Variants in STS observed in about 807,000 individuals in gnomAD.
STS encodes steroid sulfatase.
In STS, 7 loss-of-function variants were observed where a neutral mutation model predicts 26.8. The observed-to-expected ratio is 0.26, with a 90% CI of 0.15 to 0.49. The LOEUF is 0.49. STS is among the 20% of genes least tolerant of loss of function. The pLI is 0.98. For synonymous variants in STS, 199 were observed against 189.4 expected, an observed-to-expected ratio of 1.05 and a Z score of -0.42; for missense variants, 434 against 465.6, an observed-to-expected ratio of 0.93 and a Z score of 0.63.
intron 8 of STS, among the ~76,000 whole-genome samples, chrX:7,325,016 G>C: frequency 9.0e-6 from 1 of 111,445 alleles, no homozygotes; most frequent in Non-Finnish European, 1.9e-5. Context: ...AGTAGAAATG[G>C]AACTTGAATT....
At chrX:7,336,765 G>C (rs1280862149) in intron 10 of STS, among the ~76,000 whole-genome samples, 1 of 112,169 alleles carries the variant, frequency 8.9e-6, no homozygotes, top group Admixed American at 9.5e-5. Flanking sequence ...CTGCATGTTC[G>C]AATAAGTCTG....
At chrX:7,304,534 A>G (rs1271481785) in intron 7 of STS, among the ~76,000 whole-genome samples, 7 of 111,615 alleles carry the variant, frequency 6.3e-5, no homozygotes, top group African/African-American at 2.3e-4. Context: ...GGGATAGTTT[A>G]GATTTGGGTA....
chrX:7,234,915 A>G (rs182677644), intron 2 of STS, among the ~76,000 whole-genome samples: 54 of 111,559 alleles, frequency 4.8e-4, no homozygotes, highest in African/African-American at 1.7e-3. Flanking sequence ...AGCCTTCTCA[A>G]CCTTTTCTTC....
intron 10 of STS, among the ~76,000 whole-genome samples, chrX:7,347,796 G>A (rs778498279): frequency 6.3e-5 from 7 of 111,939 alleles, no homozygotes; most frequent in African/African-American, 1.9e-4. Context: ...GGCTGACCCT[G>A]ATGAAGGATT....
At chrX:7,152,492 A>G (rs1907953007) in intron 1 of STS, among the ~76,000 whole-genome samples, 1 of 107,417 alleles carries the variant, frequency 9.3e-6, no homozygotes, top group Non-Finnish European at 1.9e-5. Context: ...TAACTTGTGT[A>G]TTTTTTAGTG....
At chrX:7,314,304 A>T (rs1172573664) in intron 8 of STS, among the ~76,000 whole-genome samples, 1 of 111,104 alleles carries the variant, frequency 9.0e-6, no homozygotes, top group African/African-American at 3.3e-5. Flanking sequence ...CTGCAGTGAG[A>T]CTTGATTGCA....
chrX:7,216,992 A>G (rs1487612850), intron 2 of STS, among the ~76,000 whole-genome samples: 1 of 111,395 alleles, frequency 9.0e-6, no homozygotes, highest in African/African-American at 3.3e-5. Flanking sequence ...GGGGACTTGC[A>G]GTGGGGGAGA....
At chrX:7,206,601 G>C (rs1254647926) in intron 2 of STS, among the ~76,000 whole-genome samples, 1 of 112,021 alleles carries the variant, frequency 8.9e-6, no homozygotes, top group Admixed American at 9.5e-5. Flanking sequence ...TTGATAAAGA[G>C]ATGTTATCTC....
intron 7 of STS, among the ~76,000 whole-genome samples, chrX:7,279,311 ATGTG>A (rs532132394): frequency 2.6e-4 from 20 of 78,117 alleles, no homozygotes; most frequent in African/African-American, 5.5e-4. Context: ...ATATATATAT[ATGTG>A]TGTGTGTGTG....
intron 7 of STS, among the ~76,000 whole-genome samples, chrX:7,284,123 A>ATG (rs2147116395): frequency 8.9e-6 from 1 of 111,765 alleles, no homozygotes; most frequent in African/African-American, 3.3e-5. Context: ...GGGATGCATA[A>ATG]TGGTTTACTT....
intron 8 of STS, among the ~76,000 whole-genome samples, chrX:7,317,021 A>T (rs1393064237): frequency 8.9e-6 from 1 of 112,275 alleles, no homozygotes; most frequent in African/African-American, 3.2e-5. Context: ...TAGCATTCAG[A>T]AGGACAAAAA....
chrX:7,306,856 TC>T (rs1180117642), intron 8 of STS, among the ~76,000 whole-genome samples: 1 of 112,143 alleles, frequency 8.9e-6, no homozygotes, highest in African/African-American at 3.2e-5. Flanking sequence ...AATAGCTTGT[TC>T]TGCAAACTGC....
intron 2 of STS, among the ~76,000 whole-genome samples, chrX:7,212,519 C>T (rs1316716936): frequency 9.0e-6 from 1 of 111,538 alleles, no homozygotes; most frequent in Non-Finnish European, 1.9e-5. Context: ...TCTCAAGATA[C>T]TAGGGACGCT....
At chrX:7,270,998 CTT>C (rs142362269) in intron 6 of STS, among the ~76,000 whole-genome samples, 3 of 101,228 alleles carry the variant, frequency 3.0e-5, no homozygotes, top group African/African-American at 3.6e-5. Context: ...TCTTCTTCTT[CTT>C]TTTTTTTTTT....
intron 2 of STS, among the ~76,000 whole-genome samples, chrX:7,246,597 C>T (rs3788888): frequency 0.35 from 39,111 of 110,569 alleles, 5,135 homozygotes; most frequent in East Asian, 0.4. Flanking sequence ...TGAGCCACCG[C>T]GCCCGGCCCT....
intron 1 of STS, among the ~76,000 whole-genome samples, chrX:7,162,927 C>T (rs1447233038): frequency 1.9e-5 from 2 of 103,791 alleles, no homozygotes; most frequent in African/African-American, 3.5e-5. Flanking sequence ...CCTGGTGGCG[C>T]GCGCCTGTAA....
rs192292747 is a variant in STS, at chrX:7,222,741, A to G, written c.-4-30455A>G. ...GCATTCATTATCTGTATTTTTTCCT[A>G]TTGCTTTTTAGGCATTTATTTATTT... is the stretch of plus-strand genomic sequence containing the variant. On this transcript the variant is annotated intron_variant, in intron 2 of 10. Transcript: ENST00000674429. Among the ~76,000 whole-genome samples, 6 of 110,713 alleles carry G rather than the reference A, an allele frequency of 5.4e-5. No individual in the cohort carries two copies. The East Asian group carries it at 1.7e-3, about 31-fold the overall frequency.
chrX:7,158,723 G>A (rs1158803569), intron 1 of STS, among the ~76,000 whole-genome samples: 2 of 111,376 alleles, frequency 1.8e-5, no homozygotes, highest in Non-Finnish European at 3.8e-5. Context: ...GGGGAGAAAG[G>A]GAAGTCTTAC....
At chrX:7,266,521 T>C (rs1193420013) in intron 6 of STS, among the ~76,000 whole-genome samples, 6 of 112,025 alleles carry the variant, frequency 5.4e-5, no homozygotes, top group East Asian at 2.8e-4. Context: ...CTCACCCTAA[T>C]TGACTCATTC....
Sources: allele counts gnomAD v4.1 joint callset (sites outside exome capture counted in the v4.1 genomes callset), GRCh38; gene constraint gnomAD v4.1.1; transcripts MANE v1.5; gene names NCBI Gene and HGNC (gene_info 2026-07-23, HGNC 2026-07-21).